The following ODR4 variants were observed in gnomAD, a reference collection of about 807,000 sequenced individuals.
ODR4 encodes the protein odr-4 GPCR localization factor homolog, also known as protein odr-4 homolog.
ODR4 carries 47 observed loss-of-function variants against 60.2 expected under a neutral mutation model. That is an observed-to-expected ratio of 0.78 (90% CI 0.62 to 1.00). The LOEUF is 1.00. Among genes scored for constraint, ODR4 ranks in the 50% least tolerant of loss-of-function variants. The probability of loss-of-function intolerance (pLI) is 0.00; values close to 1 mark genes in which losing one functional copy is unlikely to be tolerated. For missense variants in ODR4, 488 were observed against 530.8 expected, an observed-to-expected ratio of 0.92 and a Z score of 0.79; for synonymous variants, 178 against 175.5, an observed-to-expected ratio of 1.01 and a Z score of -0.11.
At chr1:186,388,598 A>G in intron 5 of ODR4, 50 bp downstream of exon 5, 1 of 1,066,686 alleles carries the variant, frequency 9.4e-7, no homozygotes, top group Non-Finnish European at 1.3e-6. Context: ...CCAAAATAAT[A>G]TTCTTGCAAG....
the ODR4 span, among the ~76,000 whole-genome samples, chr1:186,432,346 C>T: frequency 6.6e-6 from 1 of 152,276 alleles, no homozygotes; most frequent in East Asian, 1.9e-4. Context: ...ATTTTCCCTT[C>T]TCATACTGCC....
Position 186,396,470 on chromosome 1 carries a change from G to A in ODR4, c.781-1843G>A, listed in dbSNP as rs538011037. ...AAAAAAATACAAAAATTAGCTGGGG[G>A]TGATGGTGTGTGCCTGTAGTCCCAG... is the stretch of plus-strand genomic sequence containing the variant. On this transcript the variant is annotated intron_variant, in intron 9 of 13. Transcript: ENST00000287859. Among the ~76,000 whole-genome samples the A allele has an allele frequency of 1.4e-4, 22 of 152,148 alleles. No homozygotes were observed. The South Asian group carries it at 3.9e-3, about 27-fold the overall frequency.
At position 186,383,270 on chromosome 1, in the gene ODR4, T is replaced by G. The variant is rs1037791930; in HGVS notation, c.234+114T>G. 1.4e-4 allele frequency: 172 copies of G among 1,193,412 alleles called. 3 individuals are homozygous for G. The South Asian group carries it at 2.7e-3, about 19-fold the overall frequency. The allele number at this position is 1,193,412 out of a possible 1,614,324, so 73.9% of individuals were successfully genotyped here. A position where few individuals can be genotyped will look rare whatever the true frequency, so the allele number is the denominator to read the frequency against. ...GACATAGGGAGAAAGTAGCTAAAGA[T>G]GACTGAGATTTTTAGTCTGGGTGTC... On this transcript the variant is annotated intron_variant, in intron 3 of 13. Transcript: ENST00000287859.
At chr1:186,417,795 C>T in intron 13 of ODR4, 141 bp downstream of exon 13, 1 of 584,718 alleles carries the variant, frequency 1.7e-6, no homozygotes, top group Non-Finnish European at 3.1e-6. Context: ...TGGAAAGTAC[C>T]AGGCCCTAGA....
At chr1:186,418,511 C>G (rs1022955020) in intron 13 of ODR4, among the ~76,000 whole-genome samples, 3 of 151,988 alleles carry the variant, frequency 2.0e-5, no homozygotes, top group African/African-American at 4.8e-5. Context: ...TTACTATAAT[C>G]AGGAAAAAAT....
chr1:186,383,926 C>A (rs771838464), intron 3 of ODR4, among the ~76,000 whole-genome samples: 1 of 152,058 alleles, frequency 6.6e-6, no homozygotes, highest in Non-Finnish European at 1.5e-5. Context: ...GTAATCCCAG[C>A]TACTTGGGAG....
chr1:186,414,552 C>T (rs534349240), intron 12 of ODR4, among the ~76,000 whole-genome samples: 1 of 147,080 alleles, frequency 6.8e-6, no homozygotes, highest in South Asian at 2.1e-4. Flanking sequence ...GACAGTCTTG[C>T]TCTGTTGCCC....
At chr1:186,383,558 G>A (rs1023803433) in intron 3 of ODR4, among the ~76,000 whole-genome samples, 2 of 151,766 alleles carry the variant, frequency 1.3e-5, no homozygotes, top group African/African-American at 2.4e-5. Context: ...CACATTCTGC[G>A]TTTTTGTTTG....
At chr1:186,379,090 C>G (rs893085001) in intron 1 of ODR4, among the ~76,000 whole-genome samples, 1 of 152,072 alleles carries the variant, frequency 6.6e-6, no homozygotes, top group Non-Finnish European at 1.5e-5. Context: ...ATGAGAACAC[C>G]AAGACTTAGC....
At chr1:186,404,586 A>G (rs1661104505) in intron 11 of ODR4, among the ~76,000 whole-genome samples, 1 of 152,196 alleles carries the variant, frequency 6.6e-6, no homozygotes, top group Admixed American at 6.5e-5. Context: ...TGTGTGGACA[A>G]TTTTCGTGCT....
chr1:186,399,232 T>G (rs748533904), intron 11 of ODR4, 188 bp downstream of exon 11: 1 of 584,008 alleles, frequency 1.7e-6, no homozygotes, highest in Non-Finnish European at 3.2e-6. Context: ...TTAGACAGAG[T>G]CTCACTGTGT....
the ODR4 span, among the ~76,000 whole-genome samples, chr1:186,429,334 T>C: frequency 1.3e-5 from 2 of 152,120 alleles, no homozygotes; most frequent in Non-Finnish European, 2.9e-5. Flanking sequence ...CAATATGTGA[T>C]ACATAGACAG....
intron 9 of ODR4, among the ~76,000 whole-genome samples, chr1:186,394,785 G>T (rs187593022): frequency 2.0e-5 from 3 of 152,236 alleles, no homozygotes; most frequent in East Asian, 1.9e-4. Context: ...TAGCAATAGC[G>T]CATTAGTAAA....
In ODR4 at chr1:186,420,570, A is replaced by G. The variant is rs1661738191; in HGVS notation, c.*1494A>G. The G allele has an allele frequency of 1.3e-5, 2 of 152,248 alleles. No individual in the cohort carries two copies. Among genetic ancestry groups the G allele is most frequent in the Non-Finnish European group, 2.9e-5 (2 of 68,048 alleles). 9.4% of individuals were successfully genotyped at this position (152,248 alleles called of 1,614,324 possible). A position where few individuals can be genotyped will look rare whatever the true frequency, so the allele number is the denominator to read the frequency against. On this transcript the variant is annotated 3_prime_UTR_variant, in exon 14 of 14. Coordinates refer to ENST00000287859, the MANE Select transcript of ODR4 (RefSeq NM_017847.6). ...AGTTGGAACCACAGGCAGATCTGAA[A>G]AAGAACCAAATAGAGCTCCTAAAAA... is the stretch of plus-strand genomic sequence containing the variant.
chr1:186,394,757 T>G (rs1660606203), intron 9 of ODR4, among the ~76,000 whole-genome samples: 1 of 152,230 alleles, frequency 6.6e-6, no homozygotes, highest in Non-Finnish European at 1.5e-5. Context: ...ATGTTTTAGT[T>G]TCTTCTTTTT....
intron 8 of ODR4, among the ~76,000 whole-genome samples, chr1:186,392,260 T>C (rs896457614): frequency 1.3e-5 from 2 of 152,172 alleles, no homozygotes; most frequent in Non-Finnish European, 2.9e-5. Flanking sequence ...GAGATACCAT[T>C]TGACCCAGCA....
At chr1:186,377,976 T>C (rs3131551) in intron 1 of ODR4, among the ~76,000 whole-genome samples, 95,669 of 151,342 alleles carry the variant, frequency 0.63, 30,283 homozygotes, top group Non-Finnish European at 0.65. Context: ...ACCTGGGAGG[T>C]GGAGCTTGCA....
Position 186,386,011 on chromosome 1 carries a change from A to T in ODR4, c.258A>T (p.Gly86=). Residue 86 remains glycine (G), a synonymous_variant, in exon 4 of 14, where the codon GGA becomes GGT. Transcript: ENST00000287859. ...ACQVSRMLPG[G]LLVLGVFIIT... ...AGGTATCCAGAATGCTACCAGGGGG[A>T]CTTTTAGTTCTTGGAGTATTTATTA... The T allele has an allele frequency of 1.9e-6, 3 of 1,601,740 alleles. No individual in the cohort carries two copies. The highest frequency in any genetic ancestry group is 1.1e-5 in the South Asian group (1 of 89,678).
At chr1:186,388,821 C>CA (rs1660347598) in intron 5 of ODR4, among the ~76,000 whole-genome samples, 1 of 152,152 alleles carries the variant, frequency 6.6e-6, no homozygotes, top group Non-Finnish European at 1.5e-5. Context: ...TACATCCAAG[C>CA]ACAGCAGATT....
Sources: gnomAD v4.1 joint callset for allele counts (sites outside exome capture counted in the v4.1 genomes callset) on GRCh38, gnomAD v4.1.1 for gene constraint, MANE v1.5 for transcripts, NCBI Gene and HGNC (gene_info 2026-07-23, HGNC 2026-07-21) for gene names.